Variants in ESYT2 observed in about 807,000 individuals in gnomAD.
The protein encoded by ESYT2 is extended synaptotagmin-2.
In ESYT2, 54 loss-of-function variants were observed where a neutral mutation model predicts 107.2. The ratio of observed to expected loss-of-function variants is 0.50; its 90% confidence interval spans 0.40 to 0.63. The LOEUF (loss-of-function observed/expected upper bound fraction) is 0.63. Ranked by LOEUF, ESYT2 falls within the 30% of genes least tolerant of loss-of-function variation. The pLI is 0.00. For missense variants in ESYT2, 1,020 were observed against 1,094.5 expected (o/e 0.93, Z 0.96); for synonymous variants, 491 against 434.1 (o/e 1.13, Z -1.63).
At chr7:158,788,220 C>A in intron 5 of ESYT2, 125 bp downstream of exon 5, 1 of 1,158,170 alleles carries the variant, frequency 8.6e-7, no homozygotes, top group African/African-American at 1.6e-5. Context: ...TCAACTATGA[C>A]CTACAGCTAA....
In ESYT2 at chr7:158,749,667, G is replaced by A. The variant is rs763751305; in HGVS notation, c.1539C>T (p.His513=). 2 of 1,614,074 alleles carry A rather than the reference G, an allele frequency of 1.2e-6. No individual in the cohort carries two copies. Among genetic ancestry groups the A allele is most frequent in the Admixed American group, 1.7e-5 (1 of 60,004 alleles). The change falls in exon 15 of 23, where the codon CAC becomes CAT. Residue 513 remains histidine, a synonymous_variant. Coordinates refer to ENST00000275418, the MANE Select transcript of ESYT2 (RefSeq NM_001367773.1). ...ACCTTACCTTGCTCTCCTGGGCCTT[G>A]TGCCCAACTGACATCTGGACAACAG... The part of the protein sequence containing the change: ...PNPVVQMSVG[H]KAQESKIRYK...
At chr7:158,802,856 C>CA (rs1465630574) in intron 1 of ESYT2, among the ~76,000 whole-genome samples, 1 of 152,162 alleles carries the variant, frequency 6.6e-6, no homozygotes, top group African/African-American at 2.4e-5. Flanking sequence ...CTTTTAGAAA[C>CA]AAAATGCCAC....
intron 15 of ESYT2, among the ~76,000 whole-genome samples, 199 bp downstream of exon 15, chr7:158,749,450 T>C (rs1431586315): frequency 6.6e-6 from 1 of 152,134 alleles, no homozygotes; most frequent in Non-Finnish European, 1.5e-5. Flanking sequence ...GAACAGTATA[T>C]TTCTTGGTAT....
At chr7:158,779,433 T>C (rs1008821282) in intron 6 of ESYT2, among the ~76,000 whole-genome samples, 2 of 152,158 alleles carry the variant, frequency 1.3e-5, no homozygotes. Flanking sequence ...GAAAATTACA[T>C]ATAAAACTAG....
intron 16 of ESYT2, among the ~76,000 whole-genome samples, chr7:158,744,546 A>C (rs1837334721): frequency 6.6e-6 from 1 of 152,164 alleles, no homozygotes; most frequent in Non-Finnish European, 1.5e-5. Flanking sequence ...TTTTTAAAAA[A>C]CAGAGGTGGA....
chr7:158,792,160 C>CT (rs113589859), intron 4 of ESYT2, among the ~76,000 whole-genome samples: 2,336 of 123,344 alleles, frequency 0.019, 58 homozygotes, highest in African/African-American at 0.049. Context: ...TCCACGAGTT[C>CT]TTTTTTTTTT....
At chr7:158,793,871 C>G in intron 3 of ESYT2, 145 bp from the exon 4 acceptor site, 1 of 679,902 alleles carries the variant, frequency 1.5e-6, no homozygotes, top group East Asian at 2.7e-5. Flanking sequence ...CAGAGTGTGG[C>G]TTGATTTTCA....
At chr7:158,781,549 AAGTG>A (rs1158204090) in intron 6 of ESYT2, among the ~76,000 whole-genome samples, 2 of 152,092 alleles carry the variant, frequency 1.3e-5, no homozygotes, top group African/African-American at 2.4e-5. Context: ...GAACGAGAAC[AAGTG>A]AGTGAACGAC....
At chr7:158,740,853 C>T (rs1013033481) in intron 18 of ESYT2, among the ~76,000 whole-genome samples, 2 of 152,140 alleles carry the variant, frequency 1.3e-5, no homozygotes, top group African/African-American at 4.8e-5. Flanking sequence ...CCTTTGCCTC[C>T]GTTTCTGTTA....
chr7:158,747,475 C>T (rs578139036), intron 16 of ESYT2, among the ~76,000 whole-genome samples: 3 of 151,940 alleles, frequency 2.0e-5, no homozygotes, highest in South Asian at 4.2e-4. Flanking sequence ...ATACAAAGAC[C>T]GTAAAAAAGC....
At chr7:158,813,231 T>C (rs1452939741) in intron 1 of ESYT2, among the ~76,000 whole-genome samples, 4 of 152,164 alleles carry the variant, frequency 2.6e-5, no homozygotes, top group African/African-American at 9.7e-5. Flanking sequence ...GGCAAAACTA[T>C]GTAAAAAGAT....
At chr7:158,793,755 T>C (rs1359679049) in intron 3 of ESYT2, 29 bp from the exon 4 acceptor site, 2 of 1,568,100 alleles carry the variant, frequency 1.3e-6, no homozygotes, top group Non-Finnish European at 1.7e-6. Context: ...TATTTTAAGA[T>C]ACAGAGGTTA....
At chr7:158,768,253 T>G (rs1285386475) in intron 7 of ESYT2, among the ~76,000 whole-genome samples, 1 of 152,198 alleles carries the variant, frequency 6.6e-6, no homozygotes, top group Non-Finnish European at 1.5e-5. Context: ...ACACATCTCA[T>G]TTCTCCGTTG....
chr7:158,773,513 A>C, intron 6 of ESYT2, 117 bp from the exon 7 acceptor site: 1 of 908,248 alleles, frequency 1.1e-6, no homozygotes. Context: ...ACAGACCCAC[A>C]CCCTTCATCC....
At chr7:158,767,584 A>G (rs1587412753) in intron 8 of ESYT2, 70 bp downstream of exon 8, 7 of 1,564,160 alleles carry the variant, frequency 4.5e-6, no homozygotes, top group South Asian at 1.2e-5. Flanking sequence ...ACAGCACCCA[A>G]TGCCACACCC....
intron 1 of ESYT2, among the ~76,000 whole-genome samples, chr7:158,809,510 AG>A (rs1246298724): frequency 1.5e-5 from 2 of 137,092 alleles, no homozygotes; most frequent in Non-Finnish European, 3.1e-5. Flanking sequence ...AGGGGGGATG[AG>A]GGGGGCAAAA....
intron 6 of ESYT2, among the ~76,000 whole-genome samples, chr7:158,785,373 C>T (rs1392051944): frequency 6.6e-6 from 1 of 151,646 alleles, no homozygotes; most frequent in African/African-American, 2.4e-5. Flanking sequence ...TGCGGTGAGC[C>T]GAGATTGCGC....
chr7:158,808,521 C>T (rs1447337097), intron 1 of ESYT2, among the ~76,000 whole-genome samples: 2 of 152,190 alleles, frequency 1.3e-5, no homozygotes, highest in Non-Finnish European at 2.9e-5. Flanking sequence ...TGAAAGTTCT[C>T]GACTTACTAA....
intron 1 of ESYT2, among the ~76,000 whole-genome samples, chr7:158,806,242 C>A (rs1839831447): frequency 6.6e-6 from 1 of 152,190 alleles, no homozygotes; most frequent in Non-Finnish European, 1.5e-5. Context: ...CTTCATTAGA[C>A]AAGTGACCAT....
Sources: gnomAD v4.1 joint callset for allele counts (sites outside exome capture counted in the v4.1 genomes callset) on GRCh38, gnomAD v4.1.1 for gene constraint, MANE v1.5 for transcripts, NCBI Gene and HGNC (gene_info 2026-07-23, HGNC 2026-07-21) for gene names.